Variants in TAOK1 observed in about 807,000 individuals in gnomAD.
The protein encoded by TAOK1 is serine/threonine-protein kinase TAO1.
A neutral mutation model predicts 138.3 loss-of-function variants in TAOK1; 21 were observed. That is an observed-to-expected ratio of 0.15 (90% CI 0.11 to 0.22). The LOEUF (loss-of-function observed/expected upper bound fraction) is 0.22, where lower values mean the gene tolerates loss of function less well. TAOK1 is among the 10% of genes least tolerant of loss of function. TAOK1 has a pLI of 1.00. For missense variants in TAOK1, 651 were observed against 1,227.7 expected (o/e 0.53, Z 7.02); for synonymous variants, 361 against 398.4 (o/e 0.91, Z 1.12).
chr17:29,485,140 A>G (rs1261154201), intron 8 of TAOK1, among the ~76,000 whole-genome samples: 3 of 152,194 alleles, frequency 2.0e-5, no homozygotes, highest in Non-Finnish European at 4.4e-5. Context: ...AAGAAATCTT[A>G]TAATACATAA....
intron 15 of TAOK1, among the ~76,000 whole-genome samples, chr17:29,515,951 G>GTATTTATT (rs199960608): frequency 1.4e-4 from 21 of 151,910 alleles, no homozygotes; most frequent in African/African-American, 4.8e-4. Context: ...TTTTATGTAT[G>GTATTTATT]TATTTATTTA....
In TAOK1 at chr17:29,390,973, CGCTGCAGGGG is replaced by C. The variant is rs1310349073; in HGVS notation, c.-140_-131del. 6.6e-6 allele frequency: 1 copy of C among 152,242 alleles called. No individual in the cohort carries two copies. The highest frequency in any genetic ancestry group is 1.5e-5 in the Non-Finnish European group (1 of 68,098). 9.4% of individuals were successfully genotyped at this position (152,242 alleles called of 1,614,324 possible). ...CCCTCCAGGGTAGCGGCTACCGGAG[CGCTGCAGGGG>C]GCTGCGCCTGCCTGCTCCGCCCCAG... On this transcript the variant is annotated 5_prime_UTR_variant, in exon 1 of 20. Transcript: ENST00000261716.
intron 12 of TAOK1, among the ~76,000 whole-genome samples, chr17:29,499,977 C>T (rs2031493952): frequency 1.3e-5 from 2 of 152,170 alleles, no homozygotes; most frequent in East Asian, 3.8e-4. Context: ...GTTAAATCTT[C>T]TGAAAAATAC....
At chr17:29,399,049 C>T (rs1385006190) in intron 1 of TAOK1, among the ~76,000 whole-genome samples, 2 of 149,628 alleles carry the variant, frequency 1.3e-5, no homozygotes, top group African/African-American at 4.9e-5. Context: ...TGCAGTGGCA[C>T]GATCTCGGCT....
intron 18 of TAOK1, among the ~76,000 whole-genome samples, chr17:29,533,715 C>T (rs2032171164): frequency 6.6e-6 from 1 of 151,212 alleles, no homozygotes; most frequent in African/African-American, 2.4e-5. Flanking sequence ...GCGGCGCGCG[C>T]CTGCAATCGC....
At chr17:29,516,011 C>T (rs1396952906) in intron 15 of TAOK1, among the ~76,000 whole-genome samples, 2 of 151,740 alleles carry the variant, frequency 1.3e-5, no homozygotes, top group Non-Finnish European at 2.9e-5. Flanking sequence ...GGCTGGAGTG[C>T]AATGGTGCGA....
intron 1 of TAOK1, among the ~76,000 whole-genome samples, chr17:29,439,590 T>G (rs1906148699): frequency 1.3e-5 from 2 of 152,156 alleles, no homozygotes; most frequent in Admixed American, 1.3e-4. Flanking sequence ...TTGTCTCTAG[T>G]CTCCTCCAGA....
At chr17:29,503,168 G>A (rs920373605) in intron 13 of TAOK1, among the ~76,000 whole-genome samples, 3 of 151,974 alleles carry the variant, frequency 2.0e-5, no homozygotes, top group Admixed American at 6.6e-5. Flanking sequence ...AGGCCGAAGC[G>A]GGCGGATCAC....
At chr17:29,401,217 T>G (rs929273467) in intron 1 of TAOK1, among the ~76,000 whole-genome samples, 1 of 152,032 alleles carries the variant, frequency 6.6e-6, no homozygotes, top group Non-Finnish European at 1.5e-5. Flanking sequence ...GCTCAGCAGT[T>G]TGCCACATTT....
At chr17:29,480,313 T>C in intron 6 of TAOK1, 55 bp from the exon 7 acceptor site, 1 of 1,312,032 alleles carries the variant, frequency 7.6e-7, no homozygotes, top group East Asian at 2.4e-5. Context: ...TTTATCGTTT[T>C]AAACATAATC....
chr17:29,471,441 C>A (rs2030816579), intron 3 of TAOK1, among the ~76,000 whole-genome samples: 1 of 151,188 alleles, frequency 6.6e-6, no homozygotes, highest in Non-Finnish European at 1.5e-5. Flanking sequence ...CCACGCCTGG[C>A]TAATTTTTTG....
At chr17:29,429,466 G>T (rs1378699945) in intron 1 of TAOK1, among the ~76,000 whole-genome samples, 4 of 152,036 alleles carry the variant, frequency 2.6e-5, no homozygotes, top group Non-Finnish European at 5.9e-5. Flanking sequence ...AGTAGAGACA[G>T]TGTTTCACCA....
intron 3 of TAOK1, among the ~76,000 whole-genome samples, chr17:29,471,134 GACA>G (rs1449220239): frequency 2.1e-5 from 3 of 144,474 alleles, no homozygotes; most frequent in African/African-American, 5.2e-5. Flanking sequence ...CTCCAGCCTG[GACA>G]ACAACACAAG....
chr17:29,502,983 G>C (rs1350764286), intron 13 of TAOK1, among the ~76,000 whole-genome samples: 1 of 152,112 alleles, frequency 6.6e-6, no homozygotes, highest in Non-Finnish European at 1.5e-5. Flanking sequence ...GCACTAAAGA[G>C]GAATTCAGAT....
chr17:29,499,944 C>G (rs573975920), intron 12 of TAOK1, among the ~76,000 whole-genome samples: 1 of 152,260 alleles, frequency 6.6e-6, no homozygotes, highest in South Asian at 2.1e-4. Flanking sequence ...CTGCATTACT[C>G]TTTACCCTTT....
chr17:29,544,563 T>C lies in TAOK1; in HGVS notation c.*1541T>C, dbSNP rs1459782840. On this transcript the variant is annotated 3_prime_UTR_variant, in exon 20 of 20. Coordinates refer to ENST00000261716, the MANE Select transcript of TAOK1 (RefSeq NM_020791.4). ...TAACTCTTATTTTTCAGGGGGCACA[T>C]GTTTTGTTTTGTTATGTTTTGTTGT... 3.3e-5 allele frequency: 5 copies of C among 151,708 alleles called. No individual in the cohort carries two copies. The highest frequency in any genetic ancestry group is 2.0e-4 in the Admixed American group (3 of 15,254). 9.4% of individuals were successfully genotyped at this position (151,708 alleles called of 1,614,324 possible).
At chr17:29,444,259 T>C (rs891418122) in intron 1 of TAOK1, among the ~76,000 whole-genome samples, 1 of 152,240 alleles carries the variant, frequency 6.6e-6, no homozygotes, top group African/African-American at 2.4e-5. Flanking sequence ...GTTTCTTTCC[T>C]GTAGTTTTTT....
rs201958631 is a variant in TAOK1, at chr17:29,532,353, TG to T, written c.2361+1736del. 2.0e-3 allele frequency among the ~76,000 whole-genome samples: 184 copies of T among 93,630 alleles called. 4 individuals are homozygous for T. The highest frequency in any genetic ancestry group is 0.012 in the East Asian group (58 of 4,694). 61.4% of individuals were successfully genotyped at this position (93,630 alleles called of 152,430 possible). ...TAGGTTTTTCTTTTTTGTTTGTTTGTGGTTTTTTTTTTTTTGATCATTCTTG... is the reference window on the plus strand; with the variant it reads ...TAGGTTTTTCTTTTTTGTTTGTTTGTGTTTTTTTTTTTTTGATCATTCTTG... On this transcript the variant is annotated intron_variant, in intron 18 of 19. Transcript: ENST00000261716.
Position 29,397,676 on chromosome 17 carries a change from C to CACAT in TAOK1, c.-95+6653_-95+6654insCATA, listed in dbSNP as rs1904681426. The stretch of plus-strand genomic sequence containing the variant: ...TATATTCATGTATGATACATGTATA[C>CACAT]ATGTATACATGTATATTCATGTATG... On this transcript the variant is annotated intron_variant, in intron 1 of 19. Coordinates refer to ENST00000261716, the MANE Select transcript of TAOK1 (RefSeq NM_020791.4). Among the ~76,000 whole-genome samples the CACAT allele has an allele frequency of 2.9e-5, 4 of 139,236 alleles. No homozygotes were observed. In the Admixed American group the frequency reaches 3.1e-4, roughly 11 times the overall value. 91.3% of individuals were successfully genotyped at this position (139,236 alleles called of 152,430 possible).
Sources: gnomAD v4.1 joint callset for allele counts (sites outside exome capture counted in the v4.1 genomes callset) on GRCh38, gnomAD v4.1.1 for gene constraint, MANE v1.5 for transcripts, NCBI Gene and HGNC (gene_info 2026-07-23, HGNC 2026-07-21) for gene names.